Variants in PLCZ1 observed in about 807,000 individuals in gnomAD.
PLCZ1 encodes the protein phospholipase C zeta 1, also known as 1-phosphatidylinositol 4,5-bisphosphate phosphodiesterase zeta-1.
PLCZ1 carries 64 observed loss-of-function variants against 76.8 expected under a neutral mutation model. That is an observed-to-expected ratio of 0.83 (90% CI 0.68 to 1.03). PLCZ1 has a LOEUF of 1.03. PLCZ1 is among the 50% of genes least tolerant of loss of function. PLCZ1 has a pLI of 0.00. For synonymous variants in PLCZ1, 248 were observed against 230.8 expected (o/e 1.07, Z -0.68); for missense variants, 751 against 713.7 (o/e 1.05, Z -0.60).
chr12:18,700,320 A>C (rs1366635601), intron 9 of PLCZ1, among the ~76,000 whole-genome samples: 3 of 151,942 alleles, frequency 2.0e-5, no homozygotes, highest in Admixed American at 1.3e-4. Context: ...TTGCCATTTC[A>C]CAACCTGGCA....
chr12:18,706,222 ACT>A (rs752806714), intron 6 of PLCZ1, among the ~76,000 whole-genome samples: 15 of 151,230 alleles, frequency 9.9e-5, no homozygotes, highest in Non-Finnish European at 2.2e-4. Context: ...ACGGAATGAG[ACT>A]CTGTCTCAAA....
At chr12:18,735,431 G>C (rs1959196096) in intron 3 of PLCZ1, among the ~76,000 whole-genome samples, 1 of 151,888 alleles carries the variant, frequency 6.6e-6, no homozygotes, top group East Asian at 1.9e-4. Context: ...CTCCAAACAG[G>C]GTCTCACTAT....
chr12:18,684,426 T>G (rs1952788544), intron 13 of PLCZ1, 147 bp from the exon 14 acceptor site: 1 of 693,000 alleles, frequency 1.4e-6, no homozygotes, highest in East Asian at 2.7e-5. Flanking sequence ...ATATACTCAG[T>G]GTGAGAGGAA....
In PLCZ1 at chr12:18,694,761, T is replaced by C. The variant is rs192530897; in HGVS notation, c.1461+149A>G. The C allele has an allele frequency of 1.4e-3, 838 of 615,826 alleles. 1 individual carries two copies. The highest frequency in any genetic ancestry group is 0.012 in the African/African-American group (659 of 53,732). 38.1% of individuals were successfully genotyped at this position (615,826 alleles called of 1,614,324 possible). A position where few individuals can be genotyped will look rare whatever the true frequency, so the allele number is the denominator to read the frequency against. On this transcript the variant is annotated intron_variant, in intron 12 of 14. Transcript: ENST00000266505. ...AAGACATTTTTCAGATATAGAAGGATGCTGGAATACTACCCACATATAGTA... is the reference window on the plus strand; with the variant it reads ...AAGACATTTTTCAGATATAGAAGGACGCTGGAATACTACCCACATATAGTA...
chr12:18,686,872 T>G (rs977279020), intron 13 of PLCZ1, among the ~76,000 whole-genome samples: 1 of 152,094 alleles, frequency 6.6e-6, no homozygotes, highest in Non-Finnish European at 1.5e-5. Context: ...ATGAACCAAA[T>G]TGAATTTCTG....
chr12:18,677,478 C>A, the PLCZ1 span, among the ~76,000 whole-genome samples: 1 of 152,030 alleles, frequency 6.6e-6, no homozygotes, highest in Non-Finnish European at 1.5e-5. Context: ...CTTGGCCAGA[C>A]CTTCTGAGTT....
chr12:18,694,220 T>A, intron 12 of PLCZ1: 1 of 619,026 alleles, frequency 1.6e-6, no homozygotes, highest in Non-Finnish European at 2.9e-6. Context: ...CAAAACATCC[T>A]GTGTCTTTTG....
chr12:18,734,958 T>C (rs781345075), intron 3 of PLCZ1, among the ~76,000 whole-genome samples: 2 of 152,230 alleles, frequency 1.3e-5, no homozygotes, highest in Non-Finnish European at 2.9e-5. Flanking sequence ...CTGAGAGTTA[T>C]CATGAAAGGG....
intron 9 of PLCZ1, among the ~76,000 whole-genome samples, chr12:18,700,842 T>C (rs1955796549): frequency 6.6e-6 from 1 of 152,184 alleles, no homozygotes; most frequent in South Asian, 2.1e-4. Context: ...TGTATATACA[T>C]ATAACATTAT....
chr12:18,672,578 T>A, the PLCZ1 span, among the ~76,000 whole-genome samples: 1 of 152,288 alleles, frequency 6.6e-6, no homozygotes, highest in East Asian at 1.9e-4. Context: ...CTCATCACAT[T>A]TGAATGAATA....
intron 4 of PLCZ1, among the ~76,000 whole-genome samples, chr12:18,722,785 C>T (rs769032747): frequency 3.3e-5 from 5 of 151,370 alleles, no homozygotes; most frequent in African/African-American, 7.3e-5. Flanking sequence ...GAAGAACAAG[C>T]GAAAAGTATA....
At chr12:18,691,028 T>G (rs750702372) in intron 12 of PLCZ1, among the ~76,000 whole-genome samples, 1 of 152,168 alleles carries the variant, frequency 6.6e-6, no homozygotes, top group East Asian at 1.9e-4. Context: ...ACAGGCTACC[T>G]GAAACCATCA....
chr12:18,662,131 G>C, the PLCZ1 span, among the ~76,000 whole-genome samples: 2 of 152,042 alleles, frequency 1.3e-5, no homozygotes, highest in African/African-American at 4.8e-5. Flanking sequence ...CTTGAAGATG[G>C]AAAGTGCAAG....
chr12:18,655,446 C>T, the PLCZ1 span, among the ~76,000 whole-genome samples: 6 of 152,114 alleles, frequency 3.9e-5, no homozygotes, highest in South Asian at 6.2e-4. Context: ...ACAAAATCCA[C>T]GCAGAATTCC....
intron 13 of PLCZ1, among the ~76,000 whole-genome samples, chr12:18,685,909 T>A (rs1953076130): frequency 6.6e-6 from 1 of 151,504 alleles, no homozygotes; most frequent in Non-Finnish European, 1.5e-5. Flanking sequence ...AAGCCCTCAC[T>A]TTCAGTTGTC....
At chr12:18,673,935 C>G in the PLCZ1 span, among the ~76,000 whole-genome samples, 2 of 152,176 alleles carry the variant, frequency 1.3e-5, no homozygotes, top group African/African-American at 2.4e-5. Flanking sequence ...CAATTGTCTA[C>G]TAGCAAGATG....
chr12:18,719,568 T>C lies in PLCZ1; in HGVS notation c.432A>G (p.Leu144=), dbSNP rs772354161. ...CTTTTCTACATTCATTTTTAAACAG[T>C]AGACATTCACGTGAATCCATGTATC... ...FTRYMDSREC[L]LFKNECRKVY... The change falls in exon 5 of 15, where the codon CTA becomes CTG. Residue 144 remains leucine, a synonymous_variant. Coordinates refer to ENST00000266505, the MANE Select transcript of PLCZ1 (RefSeq NM_033123.4). 1.9e-6 allele frequency: 3 copies of C among 1,605,748 alleles called. No individual in the cohort carries two copies. Among genetic ancestry groups the C allele is most frequent in the Non-Finnish European group, 1.7e-6 (2 of 1,175,338 alleles).
At chr12:18,727,048 G>A (rs547308930) in intron 3 of PLCZ1, among the ~76,000 whole-genome samples, 58 of 152,196 alleles carry the variant, frequency 3.8e-4, no homozygotes, top group African/African-American at 1.1e-3. Flanking sequence ...TACAGGTGCC[G>A]AAATATAATC....
At chr12:18,701,046 T>C (rs1955835390) in intron 9 of PLCZ1, among the ~76,000 whole-genome samples, 1 of 151,858 alleles carries the variant, frequency 6.6e-6, no homozygotes, top group Non-Finnish European at 1.5e-5. Flanking sequence ...GTGCAATGGC[T>C]CGATCTCGGC....
Sources: allele counts gnomAD v4.1 joint callset (sites outside exome capture counted in the v4.1 genomes callset), GRCh38; gene constraint gnomAD v4.1.1; transcripts MANE v1.5; gene names NCBI Gene and HGNC (gene_info 2026-07-23, HGNC 2026-07-21).